ENPP1: variants seen among roughly 807,000 people sequenced by gnomAD.
The protein encoded by ENPP1 is ectonucleotide pyrophosphatase/phosphodiesterase family member 1.
ENPP1 carries 73 observed loss-of-function variants against 122.8 expected under a neutral mutation model. That is an observed-to-expected ratio of 0.59 (90% confidence interval 0.49 to 0.72). The LOEUF (loss-of-function observed/expected upper bound fraction) is 0.72, where lower values mean the gene tolerates loss of function less well. Among genes scored for constraint, ENPP1 ranks in the 30% least tolerant of loss-of-function variants. The probability of loss-of-function intolerance (pLI) is 0.00; values close to 1 mark genes in which losing one functional copy is unlikely to be tolerated. For synonymous variants in ENPP1, 367 were observed against 391.6 expected, an observed-to-expected ratio of 0.94 and a Z score of 0.74; for missense variants, 978 against 1,128.1, an observed-to-expected ratio of 0.87 and a Z score of 1.91.
intron 1 of ENPP1, among the ~76,000 whole-genome samples, chr6:131,831,522 G>T (rs1484537189): frequency 2.0e-5 from 3 of 152,110 alleles, no homozygotes; most frequent in Non-Finnish European, 4.4e-5. Context: ...GGCCTCCTTA[G>T]GCTTTTCTTG....
intron 24 of ENPP1, among the ~76,000 whole-genome samples, chr6:131,888,446 A>G (rs1250205456): frequency 1.3e-5 from 2 of 152,118 alleles, no homozygotes; most frequent in South Asian, 4.1e-4. Context: ...TGATATTTAT[A>G]ATCAGGTGCT....
At chr6:131,890,193 A>G in intron 24 of ENPP1, 148 bp from the exon 25 acceptor site, 1 of 699,836 alleles carries the variant, frequency 1.4e-6, no homozygotes. Context: ...GCTACTCAAG[A>G]GGAGAGATGA....
At chr6:131,877,838 CAAAAAAAAA>C (rs1169868832) in intron 18 of ENPP1, 1 of 12,108 alleles carries the variant, frequency 8.3e-5, no homozygotes, top group South Asian at 6.9e-3. Flanking sequence ...GACCCTTTCT[CAAAAAAAAA>C]AAAAAAAAAA....
intron 1 of ENPP1, among the ~76,000 whole-genome samples, chr6:131,835,988 A>G (rs1459813813): frequency 6.6e-6 from 1 of 152,140 alleles, no homozygotes; most frequent in Non-Finnish European, 1.5e-5. Flanking sequence ...CCACTTAAGG[A>G]TTTCCATTTC....
At chr6:131,868,325 C>G (rs1782115521) in intron 12 of ENPP1, among the ~76,000 whole-genome samples, 199 bp downstream of exon 12, 1 of 152,172 alleles carries the variant, frequency 6.6e-6, no homozygotes, top group Admixed American at 6.5e-5. Context: ...AAGTGCCTAT[C>G]AAGCACAATA....
chr6:131,890,507 A>G lies in ENPP1; in HGVS notation c.2774A>G (p.Asp925Gly). The change falls in exon 25 of 25, where the codon GAC becomes GGC. Residue 925 changes from aspartate (D) to glycine (G), a missense_variant. This residue lies in a region of ENPP1 where 644 missense variants were observed against 781.5 expected (regional missense o/e 0.82). Coordinates refer to ENST00000647893, the MANE Select transcript of ENPP1 (RefSeq NM_006208.3). ...CATTTGCCAACCTTTAGCCAAGAAG[A>G]CTGATATGTTTTTTATCCCCAAACA... ...KTHLPTFSQE[D>G] 2 of 1,612,996 alleles carry G rather than the reference A, an allele frequency of 1.2e-6. No individual in the cohort carries two copies. The highest frequency in any genetic ancestry group is 8.5e-7 in the Non-Finnish European group (1 of 1,178,986).
At chr6:131,856,110 A>G (rs548267557) in intron 6 of ENPP1, among the ~76,000 whole-genome samples, 21 of 152,320 alleles carry the variant, frequency 1.4e-4, no homozygotes, top group African/African-American at 4.3e-4. Flanking sequence ...TAATTTCTAC[A>G]TGGAAGAAGA....
chr6:131,868,048 A>G lies in ENPP1; in HGVS notation c.1195A>G (p.Met399Val). The stretch of plus-strand genomic sequence containing the variant: ...CAAAGCCTTGCAGAGGGTTGATGGT[A>G]TGGTTGGTATGCTGATGGATGGTCT... ...VIKALQRVDG[M>V]VGMLMDGLKE... The change falls in exon 12 of 25, where the codon ATG (methionine) becomes GTG (valine). Residue 399 changes from methionine to valine, a missense_variant. This residue lies in a region of ENPP1 where 644 missense variants were observed against 781.5 expected (regional missense o/e 0.82). Transcript: ENST00000647893. The G allele has an allele frequency of 6.2e-7, 1 of 1,612,884 alleles. No individual in the cohort carries two copies. The highest frequency in any genetic ancestry group is 8.5e-7 in the Non-Finnish European group (1 of 1,179,654).
At chr6:131,869,589 G>A in intron 13 of ENPP1, 100 bp downstream of exon 13, 1 of 1,264,464 alleles carries the variant, frequency 7.9e-7, no homozygotes, top group East Asian at 2.4e-5. Context: ...AGCACTTTGG[G>A]AGGCCAAAGT....
At chr6:131,885,123 A>G (rs779736613) in intron 23 of ENPP1, 60 bp downstream of exon 23, 3 of 1,555,480 alleles carry the variant, frequency 1.9e-6, no homozygotes, top group East Asian at 2.2e-5. Context: ...AAATGGGATT[A>G]CCATCCAGTT....
intron 5 of ENPP1, among the ~76,000 whole-genome samples, chr6:131,852,871 T>A (rs969156870): frequency 2.5e-4 from 38 of 152,096 alleles, no homozygotes; most frequent in Non-Finnish European, 2.4e-4. Flanking sequence ...TACATTTTTT[T>A]AAAATAATTC....
At chr6:131,830,972 G>A (rs976833340) in intron 1 of ENPP1, among the ~76,000 whole-genome samples, 2 of 151,714 alleles carry the variant, frequency 1.3e-5, no homozygotes, top group African/African-American at 4.8e-5. Flanking sequence ...AATTAGCTGG[G>A]CATAGTGGCA....
At chr6:131,816,057 T>C (rs1014625127) in intron 1 of ENPP1, among the ~76,000 whole-genome samples, 6 of 152,124 alleles carry the variant, frequency 3.9e-5, no homozygotes, top group Non-Finnish European at 8.8e-5. Context: ...TGACTCTTTT[T>C]ATCTTAAGTA....
chr6:131,883,163 C>T (rs1211877547), intron 21 of ENPP1, among the ~76,000 whole-genome samples: 5 of 152,156 alleles, frequency 3.3e-5, no homozygotes, highest in African/African-American at 9.7e-5. Flanking sequence ...GCTCAACTAC[C>T]GTCAGCATCC....
chr6:131,866,577 A>G (rs1307176051), intron 11 of ENPP1, among the ~76,000 whole-genome samples: 2 of 152,070 alleles, frequency 1.3e-5, no homozygotes, highest in African/African-American at 2.4e-5. Flanking sequence ...TTGGATCACT[A>G]TCACCTTGGA....
chr6:131,864,510 G>T lies in ENPP1; in HGVS notation c.1030G>T (p.Val344Leu), dbSNP rs1297236500. ...TTTGTTTGTTCTTCATTTTAGTTCAGTACCATTTGAAGAAAGGATTTTAGC... is the reference window on the plus strand; with the variant it reads ...TTTGTTTGTTCTTCATTTTAGTTCATTACCATTTGAAGAAAGGATTTTAGC... Reference protein sequence around the residue: ...PDIYKMYNGSVPFEERILAVL... With the variant: ...PDIYKMYNGSLPFEERILAVL... The change falls in exon 10 of 25, where the codon GTA becomes TTA. Residue 344 changes from valine (V) to leucine (L), a missense_variant. Coordinates refer to ENST00000647893, the MANE Select transcript of ENPP1 (RefSeq NM_006208.3). The T allele has an allele frequency of 6.2e-7, 1 of 1,602,662 alleles. No individual in the cohort carries two copies. The highest frequency in any genetic ancestry group is 1.7e-5 in the Admixed American group (1 of 59,976).
Position 131,890,414 on chromosome 6 carries a change from A to C in ENPP1, c.2681A>C (p.His894Pro). 1.2e-6 allele frequency: 2 copies of C among 1,612,176 alleles called. No individual in the cohort carries two copies. The highest frequency in any genetic ancestry group is 2.2e-5 in the South Asian group (2 of 91,046). ...AGAGCACGGATCACAGATGTTGAGC[A>C]CATCACTGGACTCAGCTTCTATCAA... ...LHRARITDVE[H>P]ITGLSFYQQR... Residue 894 changes from histidine to proline, a missense_variant, in exon 25 of 25, where the codon CAC (histidine) becomes CCC (proline). Physicochemically the swap from His to Pro is moderately conservative, Grantham distance 77. Transcript: ENST00000647893.
At chr6:131,861,473 C>T in intron 8 of ENPP1, 122 bp from the exon 9 acceptor site, 1 of 719,672 alleles carries the variant, frequency 1.4e-6, no homozygotes, top group South Asian at 1.4e-5. Context: ...AGTGCTGAAG[C>T]TTGTTGACCT....
intron 1 of ENPP1, chr6:131,828,024 AG>A (rs1781566394): frequency 1.5e-6 from 1 of 679,442 alleles, no homozygotes; most frequent in Non-Finnish European, 2.8e-6. Context: ...CAGGCTGCAA[AG>A]AACAGTGTGT....
Sources: gnomAD v4.1 joint callset for allele counts (sites outside exome capture counted in the v4.1 genomes callset) on GRCh38, gnomAD v4.1.1 for gene constraint, gnomAD v4.1.1 regional missense constraint, MANE v1.5 for transcripts, NCBI Gene and HGNC (gene_info 2026-07-23, HGNC 2026-07-21) for gene names.